The following FAM13B variants were observed in gnomAD, a reference collection of about 807,000 sequenced individuals.
FAM13B encodes the protein protein FAM13B.
FAM13B carries 60 observed loss-of-function variants against 117.3 expected under a neutral mutation model. That is an observed-to-expected ratio of 0.51 (90% CI 0.42 to 0.63). The LOEUF (loss-of-function observed/expected upper bound fraction) is 0.63. Among genes scored for constraint, FAM13B ranks in the 30% least tolerant of loss-of-function variants. FAM13B has a pLI of 0.00. For synonymous variants in FAM13B, 332 were observed against 356.1 expected, an observed-to-expected ratio of 0.93 and a Z score of 0.76; for missense variants, 972 against 1,091.9, an observed-to-expected ratio of 0.89 and a Z score of 1.55.
intron 17 of FAM13B, among the ~76,000 whole-genome samples, chr5:137,949,593 C>T (rs1487718368): frequency 6.6e-6 from 1 of 152,020 alleles, no homozygotes; most frequent in African/African-American, 2.4e-5. Context: ...CAGCCTGGTC[C>T]ACATGGCAAA....
rs376494115 is a variant in FAM13B at position 137,962,491 on chromosome 5, T to G, written c.1180-22A>C. 1.9e-5 allele frequency: 31 copies of G among 1,605,954 alleles called. No homozygotes were observed. The African/African-American group carries it at 3.1e-4, about 16-fold the overall frequency. On this transcript the variant is annotated intron_variant, in intron 10 of 23. Coordinates refer to ENST00000689681, the MANE Select transcript of FAM13B (RefSeq NM_001385994.1). ...CAGACTGACAAAAAGAACACTACCA[T>G]GTATTAATGGAGCTCCCAATACTCA...
intron 6 of FAM13B, 145 bp from the exon 7 acceptor site, chr5:138,007,292 T>C (rs1782788696): frequency 1.7e-6 from 1 of 601,580 alleles, no homozygotes; most frequent in African/African-American, 1.9e-5. Context: ...ATGGAGTAAG[T>C]AACTGTCAAC....
At chr5:137,988,650 T>C (rs555770462) in intron 7 of FAM13B, among the ~76,000 whole-genome samples, 70 of 152,324 alleles carry the variant, frequency 4.6e-4, no homozygotes, top group African/African-American at 1.5e-3. Flanking sequence ...TTTCCCCCTT[T>C]CCACAAAAGT....
At chr5:137,942,648 C>A (rs1000720070) in intron 22 of FAM13B, 3 of 474,612 alleles carry the variant, frequency 6.3e-6, no homozygotes, top group Non-Finnish European at 1.1e-5. Context: ...TAGGCATGAG[C>A]CACTGTGCCT....
intron 10 of FAM13B, among the ~76,000 whole-genome samples, chr5:137,967,942 G>T (rs886142769): frequency 6.6e-6 from 1 of 151,968 alleles, no homozygotes; most frequent in Non-Finnish European, 1.5e-5. Flanking sequence ...TGTCAATGTA[G>T]GCCAGGCGCG....
At chr5:137,975,586 TC>T (rs777799997) in intron 10 of FAM13B, among the ~76,000 whole-genome samples, 4 of 152,098 alleles carry the variant, frequency 2.6e-5, no homozygotes, top group Non-Finnish European at 4.4e-5. Context: ...CAAACCCAAT[TC>T]CTGTCTCCTC....
At chr5:137,954,444 T>C in intron 14 of FAM13B, 68 bp from the exon 15 acceptor site, 1 of 1,230,742 alleles carries the variant, frequency 8.1e-7, no homozygotes, top group Admixed American at 2.1e-5. Flanking sequence ...AGTCACAAAA[T>C]ATCAGCTATG....
At chr5:138,022,797 G>C (rs1164403690) in intron 1 of FAM13B, among the ~76,000 whole-genome samples, 2 of 151,336 alleles carry the variant, frequency 1.3e-5, no homozygotes, top group East Asian at 3.9e-4. Context: ...TCAGTGTTTA[G>C]AATGCCTTGT....
At chr5:137,953,687 G>T (rs530196538) in intron 15 of FAM13B, among the ~76,000 whole-genome samples, 1 of 152,262 alleles carries the variant, frequency 6.6e-6, no homozygotes, top group East Asian at 1.9e-4. Context: ...TTTAAAACTG[G>T]TTTGGACAAA....
Position 137,941,981 on chromosome 5 carries a change from G to T in FAM13B, c.2653C>A (p.Arg885=), listed in dbSNP as rs377038318. 7 of 1,614,016 alleles carry T rather than the reference G, an allele frequency of 4.3e-6. No individual in the cohort carries two copies. Among genetic ancestry groups the T allele is most frequent in the Middle Eastern group, 1.7e-4 (1 of 6,048 alleles). Reference sequence around the variant, plus strand: ...TGATAAAATGCTTCTTCAAATTCCCGCAACGTTTTGCGTAGTTTCTTTTTT... The same window carrying T: ...TGATAAAATGCTTCTTCAAATTCCCTCAACGTTTTGCGTAGTTTCTTTTTT... ...AEKKKLRKTL[R]EFEEAFYQQN... The change falls in exon 23 of 24, where the codon CGG becomes AGG. Residue 885 remains arginine (R), a synonymous_variant. Coordinates refer to ENST00000689681, the MANE Select transcript of FAM13B (RefSeq NM_001385994.1).
chr5:138,010,325 G>A (rs535261457), intron 6 of FAM13B, among the ~76,000 whole-genome samples: 1 of 152,236 alleles, frequency 6.6e-6, no homozygotes, highest in East Asian at 1.9e-4. Context: ...ATTTTGTGGG[G>A]CCAGGTGTGG....
rs1791589184 is a variant in FAM13B at position 138,044,551 on chromosome 5, C to CA, written c.-203+7326_-203+7327insT. The stretch of plus-strand genomic sequence containing the variant: ...TGGGCGACAGAGCAAGACTCCATCT[C>CA]GAAAAAAAAAAAAAAAACGGATAAT... On this transcript the variant is annotated intron_variant, in intron 1 of 3. Transcript: ENST00000502471. Among the ~76,000 whole-genome samples, 72 of 118,698 alleles carry CA rather than the reference C, an allele frequency of 6.1e-4. No individual in the cohort carries two copies. In the South Asian group the frequency reaches 0.021, roughly 35 times the overall value. The allele number at this position is 118,698 out of a possible 152,430, so 77.9% of individuals were successfully genotyped here.
intron 7 of FAM13B, among the ~76,000 whole-genome samples, chr5:138,001,235 T>C (rs1038040151): frequency 3.7e-4 from 56 of 152,190 alleles, no homozygotes; most frequent in African/African-American, 1.4e-3. Context: ...CTACCTAATA[T>C]TTCCAATAAA....
At chr5:137,951,434 A>G (rs1344421155) in intron 17 of FAM13B, among the ~76,000 whole-genome samples, 1 of 151,932 alleles carries the variant, frequency 6.6e-6, no homozygotes, top group Non-Finnish European at 1.5e-5. Context: ...GAGGTGGGAG[A>G]ACTGCTGAAG....
intron 17 of FAM13B, among the ~76,000 whole-genome samples, chr5:137,950,300 GGA>G (rs1367826084): frequency 6.6e-6 from 1 of 152,174 alleles, no homozygotes; most frequent in Non-Finnish European, 1.5e-5. Context: ...GGTAGAATAC[GGA>G]ATAAGGAGCT....
intron 1 of FAM13B, among the ~76,000 whole-genome samples, chr5:138,041,504 G>A (rs1212050168): frequency 6.6e-6 from 1 of 151,666 alleles, no homozygotes; most frequent in Non-Finnish European, 1.5e-5. Flanking sequence ...TTTATTAGGG[G>A]GATAAAATAA....
In FAM13B at chr5:137,939,991, T is replaced by C; in HGVS notation, c.*234A>G. ...ACAAAACAATGAAGTAAACCATATG[T>C]TTGCTAAAGGTGGAGAGGACAGTCT... is the stretch of plus-strand genomic sequence containing the variant. On this transcript the variant is annotated 3_prime_UTR_variant, in exon 24 of 24. Transcript: ENST00000689681. 1 of 1,574,488 alleles carries C rather than the reference T, an allele frequency of 6.4e-7. No individual in the cohort carries two copies. Among genetic ancestry groups the C allele is most frequent in the Admixed American group, 1.9e-5 (1 of 53,732 alleles).
chr5:137,981,294 A>G (rs1775676714), intron 10 of FAM13B, among the ~76,000 whole-genome samples: 1 of 151,742 alleles, frequency 6.6e-6, no homozygotes, highest in Non-Finnish European at 1.5e-5. Context: ...AGTAATATAA[A>G]AGAAATGGCT....
intron 13 of FAM13B, among the ~76,000 whole-genome samples, chr5:137,958,978 A>G (rs1767351485): frequency 1.3e-5 from 2 of 152,188 alleles, no homozygotes; most frequent in Admixed American, 6.5e-5. Context: ...ACAGTTTTTT[A>G]TCCTCTTGAA....
Sources: gnomAD v4.1 joint callset for allele counts (sites outside exome capture counted in the v4.1 genomes callset) on GRCh38, gnomAD v4.1.1 for gene constraint, MANE v1.5 for transcripts, NCBI Gene and HGNC (gene_info 2026-07-23, HGNC 2026-07-21) for gene names.